The following CMIP variants were observed in gnomAD, a reference collection of about 807,000 sequenced individuals.
The protein encoded by CMIP is c-Maf inducing protein, also known as C-Maf-inducing protein.
CMIP carries 13 observed loss-of-function variants against 97.3 expected under a neutral mutation model. The observed-to-expected ratio is 0.13, with a 90% CI of 0.09 to 0.21. The LOEUF (loss-of-function observed/expected upper bound fraction) is 0.21, where lower values mean the gene tolerates loss of function less well. Ranked by LOEUF, CMIP falls within the 10% of genes least tolerant of loss-of-function variation. The pLI is 1.00. For synonymous variants in CMIP, 538 were observed against 436.3 expected (o/e 1.23, Z -2.91); for missense variants, 847 against 1,024.9 (o/e 0.83, Z 2.37).
intron 3 of CMIP, among the ~76,000 whole-genome samples, chr16:81,629,846 C>T (rs2092130014): frequency 1.3e-5 from 2 of 152,244 alleles, no homozygotes; most frequent in South Asian, 2.1e-4. Flanking sequence ...CCCTTCGGGT[C>T]GTTCCCAGCT....
chr16:81,653,964 G>A (rs1449561173), intron 4 of CMIP, among the ~76,000 whole-genome samples: 3 of 152,178 alleles, frequency 2.0e-5, no homozygotes, highest in African/African-American at 7.2e-5. Context: ...TTGAGGCCCA[G>A]TGATACTGAG....
chr16:81,445,355 G>T lies in CMIP; in HGVS notation c.114G>T (p.Val38=), dbSNP rs938045760. The part of the protein sequence containing the change: ...SAPEGTKMGA[V]PCRRALLLCN... ...CCGAAGGCACGAAGATGGGCGCCGT[G>T]CCCTGCCGCCGGGCTCTTCTGCTTT... The change falls in exon 1 of 21, where the codon GTG becomes GTT. Residue 38 remains valine (V), a synonymous_variant. Transcript: ENST00000537098. The T allele has an allele frequency of 3.7e-6, 6 of 1,601,480 alleles. No individual in the cohort carries two copies. The highest frequency in any genetic ancestry group is 5.1e-6 in the Non-Finnish European group (6 of 1,174,706).
chr16:81,445,654 G>C (rs1905785708), intron 1 of CMIP, 113 bp downstream of exon 1: 1 of 1,201,934 alleles, frequency 8.3e-7, no homozygotes, highest in Non-Finnish European at 1.1e-6. Context: ...GGCGGTGGGG[G>C]GTGCCGGGGG....
intron 1 of CMIP, among the ~76,000 whole-genome samples, chr16:81,561,559 G>A (rs975170140): frequency 5.9e-5 from 9 of 152,156 alleles, no homozygotes; most frequent in Non-Finnish European, 1.2e-4. Flanking sequence ...GAGGGTGGCA[G>A]GGGCTGGGGT....
intron 3 of CMIP, chr16:81,630,121 C>T (rs888493869): frequency 1.3e-5 from 2 of 152,254 alleles, no homozygotes; most frequent in Non-Finnish European, 2.9e-5. Flanking sequence ...GTCTCTGGGC[C>T]TCTTGAGTCA....
intron 3 of CMIP, among the ~76,000 whole-genome samples, chr16:81,638,664 T>C (rs1288298639): frequency 5.9e-5 from 9 of 151,898 alleles, no homozygotes; most frequent in Non-Finnish European, 5.9e-5. Context: ...GAGAATGTTT[T>C]CCCCTCTTTC....
intron 1 of CMIP, among the ~76,000 whole-genome samples, chr16:81,556,849 C>A (rs1286908447): frequency 6.6e-6 from 1 of 152,216 alleles, no homozygotes; most frequent in African/African-American, 2.4e-5. Flanking sequence ...TGTACGGTGC[C>A]TGAATGGCGC....
At chr16:81,696,956 G>A (rs2151089154) in intron 14 of CMIP, 1 of 475,894 alleles carries the variant, frequency 2.1e-6, no homozygotes, top group South Asian at 2.6e-5. Flanking sequence ...TTATACCCAA[G>A]GCAGCTAAAG....
chr16:81,663,424 A>G (rs2092568881), intron 6 of CMIP, among the ~76,000 whole-genome samples: 2 of 152,236 alleles, frequency 1.3e-5, no homozygotes, highest in Non-Finnish European at 2.9e-5. Context: ...GACATTCTGA[A>G]AAAAGCAAAA....
At chr16:81,701,367 A>C (rs1907380579) in intron 15 of CMIP, among the ~76,000 whole-genome samples, 1 of 152,130 alleles carries the variant, frequency 6.6e-6, no homozygotes, top group South Asian at 2.1e-4. Flanking sequence ...GGGGCCTGCA[A>C]ACATCCCCCG....
chr16:81,473,811 GTTTTTTTTTT>G (rs5818337), intron 1 of CMIP, among the ~76,000 whole-genome samples: 2 of 127,100 alleles, frequency 1.6e-5, no homozygotes, highest in Non-Finnish European at 3.3e-5. Context: ...CCACACAGTG[GTTTTTTTTTT>G]TTTTTTTTTT....
At chr16:81,649,416 T>G (rs2092402217) in intron 3 of CMIP, among the ~76,000 whole-genome samples, 1 of 152,254 alleles carries the variant, frequency 6.6e-6, no homozygotes, top group African/African-American at 2.4e-5. Flanking sequence ...CTGCTATGCC[T>G]CAGACTGGTT....
At chr16:81,584,224 G>A (rs1172337040) in intron 1 of CMIP, among the ~76,000 whole-genome samples, 1 of 152,134 alleles carries the variant, frequency 6.6e-6, no homozygotes, top group Non-Finnish European at 1.5e-5. Flanking sequence ...TCACTGGAGT[G>A]TAAGCCCCCT....
chr16:81,686,748 C>G (rs1331207280), intron 10 of CMIP, among the ~76,000 whole-genome samples: 1 of 152,190 alleles, frequency 6.6e-6, no homozygotes, highest in Non-Finnish European at 1.5e-5. Flanking sequence ...TCTAAACCGC[C>G]TGTTGTCGAT....
In CMIP at chr16:81,609,306, C is replaced by T. The variant is rs1304101622; in HGVS notation, c.426+1614C>T. 6.6e-5 allele frequency among the ~76,000 whole-genome samples: 10 copies of T among 152,170 alleles called. No homozygotes were observed. The South Asian group carries it at 1.9e-3, about 28-fold the overall frequency. On this transcript the variant is annotated intron_variant, in intron 2 of 20. Coordinates refer to ENST00000537098, the MANE Select transcript of CMIP (RefSeq NM_198390.3). ...CTGCCAGCTCCTCTGCCTCTTCACT[C>T]GCTCCTTCTTGCCCATCCGATGGCT...
intron 1 of CMIP, among the ~76,000 whole-genome samples, chr16:81,473,971 C>G (rs1907723627): frequency 6.6e-6 from 1 of 152,186 alleles, no homozygotes; most frequent in Non-Finnish European, 1.5e-5. Context: ...CTCTAGACGA[C>G]TCCCATCCCT....
intron 3 of CMIP, among the ~76,000 whole-genome samples, chr16:81,650,829 C>T (rs1463722341): frequency 1.3e-5 from 2 of 152,126 alleles, no homozygotes; most frequent in East Asian, 1.9e-4. Context: ...GACCCTAAGG[C>T]TCAGAAGGTG....
At chr16:81,581,249 G>C (rs1277444395) in intron 1 of CMIP, among the ~76,000 whole-genome samples, 1 of 152,192 alleles carries the variant, frequency 6.6e-6, no homozygotes, top group Admixed American at 6.5e-5. Flanking sequence ...TCTTGTACAA[G>C]TGTAGTCATG....
intron 15 of CMIP, among the ~76,000 whole-genome samples, chr16:81,700,025 G>T (rs1907217888): frequency 6.6e-6 from 1 of 152,178 alleles, no homozygotes; most frequent in Non-Finnish European, 1.5e-5. Context: ...TGGGGTTGGG[G>T]ACGCTTCTGT....
Sources: gnomAD v4.1 joint callset for allele counts (sites outside exome capture counted in the v4.1 genomes callset) on GRCh38, gnomAD v4.1.1 for gene constraint, MANE v1.5 for transcripts, NCBI Gene and HGNC (gene_info 2026-07-23, HGNC 2026-07-21) for gene names.